DDAH1: variants seen among roughly 807,000 people sequenced by gnomAD.
DDAH1 encodes the protein dimethylarginine dimethylaminohydrolase 1, also known as N(G),N(G)-dimethylarginine dimethylaminohydrolase 1.
DDAH1 carries 19 observed loss-of-function variants against 28.8 expected under a neutral mutation model. That is an observed-to-expected ratio of 0.66 (90% confidence interval 0.46 to 0.97). DDAH1 has a LOEUF of 0.97. DDAH1 is among the 50% of genes least tolerant of loss of function. The pLI, the probability that DDAH1 is intolerant of heterozygous loss-of-function variation, is 0.00. For missense variants in DDAH1, 326 were observed against 375.9 expected (o/e 0.87, Z 1.10); for synonymous variants, 153 against 154.4 (o/e 0.99, Z 0.07).
At chr1:85,499,350 G>T (rs1485632148) in intron 1 of DDAH1, among the ~76,000 whole-genome samples, 1 of 152,036 alleles carries the variant, frequency 6.6e-6, no homozygotes. Context: ...TAAGTAGATA[G>T]CCCTTTTGAG....
At chr1:85,473,310 T>A (rs1471395705) in intron 2 of DDAH1, among the ~76,000 whole-genome samples, 1 of 152,168 alleles carries the variant, frequency 6.6e-6, no homozygotes, top group Admixed American at 6.5e-5. Flanking sequence ...TTTTCAGAGC[T>A]TTTTGCAACA....
intron 1 of DDAH1, among the ~76,000 whole-genome samples, chr1:85,504,461 G>C (rs1342194564): frequency 1.3e-5 from 2 of 152,044 alleles, no homozygotes; most frequent in Non-Finnish European, 2.9e-5. Flanking sequence ...CACACTCCTG[G>C]GTCACCATAG....
intron 1 of DDAH1, among the ~76,000 whole-genome samples, chr1:85,499,131 T>C (rs1442172160): frequency 2.6e-5 from 3 of 117,246 alleles, no homozygotes; most frequent in Non-Finnish European, 5.2e-5. Context: ...CAAGAACTAA[T>C]GCTATAGAGT....
intron 1 of DDAH1, among the ~76,000 whole-genome samples, chr1:85,453,433 A>C (rs1440933287): frequency 1.3e-5 from 2 of 152,196 alleles, no homozygotes; most frequent in East Asian, 3.8e-4. Flanking sequence ...CAATTTTTCC[A>C]GTCACAGCCA....
intron 1 of DDAH1, among the ~76,000 whole-genome samples, chr1:85,441,989 A>G (rs1299199913): frequency 1.3e-5 from 2 of 151,936 alleles, no homozygotes; most frequent in Non-Finnish European, 2.9e-5. Context: ...TATTTCATCT[A>G]TGAGAAAACT....
At chr1:85,410,918 T>G (rs1157065944) in intron 1 of DDAH1, among the ~76,000 whole-genome samples, 2 of 152,220 alleles carry the variant, frequency 1.3e-5, no homozygotes, top group African/African-American at 4.8e-5. Context: ...GCAGGCATTC[T>G]GATGACAGGT....
intron 1 of DDAH1, among the ~76,000 whole-genome samples, chr1:85,384,356 C>T (rs1019859220): frequency 1.3e-5 from 2 of 152,198 alleles, no homozygotes; most frequent in Non-Finnish European, 2.9e-5. Flanking sequence ...GCAAATTCTA[C>T]CATTTTAGTT....
At chr1:85,420,366 C>T (rs1653084954) in intron 1 of DDAH1, among the ~76,000 whole-genome samples, 2 of 152,212 alleles carry the variant, frequency 1.3e-5, no homozygotes, top group South Asian at 2.1e-4. Flanking sequence ...TCTCTGCTTC[C>T]CTTTTAAATA....
At chr1:85,541,418 T>C (rs1314136848) in intron 1 of DDAH1, among the ~76,000 whole-genome samples, 1 of 152,240 alleles carries the variant, frequency 6.6e-6, no homozygotes, top group East Asian at 1.9e-4. Context: ...GCTGGAACCC[T>C]AAATATGTCT....
At chr1:85,538,153 C>T (rs1305995667) in intron 1 of DDAH1, among the ~76,000 whole-genome samples, 1 of 152,180 alleles carries the variant, frequency 6.6e-6, no homozygotes, top group Non-Finnish European at 1.5e-5. Context: ...ACGACAAATA[C>T]AAGACTGCCA....
intron 4 of DDAH1, among the ~76,000 whole-genome samples, chr1:85,333,583 A>T (rs1036451353): frequency 6.6e-6 from 1 of 152,164 alleles, no homozygotes; most frequent in Admixed American, 6.5e-5. Context: ...AAAAGAAATT[A>T]AAAAAACAAC....
intron 1 of DDAH1, among the ~76,000 whole-genome samples, chr1:85,380,087 G>A (rs1038137709): frequency 6.6e-6 from 1 of 152,138 alleles, no homozygotes; most frequent in African/African-American, 2.4e-5. Context: ...AGTGTATGAA[G>A]TTTTCTTTTT....
intron 4 of DDAH1, among the ~76,000 whole-genome samples, chr1:85,334,702 T>A (rs233062): frequency 3.3e-5 from 5 of 152,124 alleles, no homozygotes; most frequent in Admixed American, 2.0e-4. Flanking sequence ...TTGTACAACC[T>A]GCAGAATTGT....
intron 1 of DDAH1, among the ~76,000 whole-genome samples, chr1:85,425,953 G>A (rs1012944644): frequency 5.9e-5 from 9 of 152,142 alleles, no homozygotes; most frequent in East Asian, 5.8e-4. Flanking sequence ...TCTAGCTACC[G>A]GGGATATACA....
chr1:85,359,547 G>C (rs1649676060), intron 1 of DDAH1, among the ~76,000 whole-genome samples: 1 of 152,172 alleles, frequency 6.6e-6, no homozygotes, highest in South Asian at 2.1e-4. Context: ...ATAATACATG[G>C]AAGGAATATC....
At chr1:85,337,626 G>T (rs566786399) in intron 4 of DDAH1, among the ~76,000 whole-genome samples, 7 of 152,066 alleles carry the variant, frequency 4.6e-5, no homozygotes, top group African/African-American at 1.2e-4. Context: ...GCTAATTTTT[G>T]TATTTTTAGT....
intron 1 of DDAH1, among the ~76,000 whole-genome samples, chr1:85,387,506 C>G (rs148448104): frequency 6.6e-6 from 1 of 152,304 alleles, no homozygotes; most frequent in East Asian, 1.9e-4. Flanking sequence ...GTGATCTTTG[C>G]TCCAGTTCCC....
intron 1 of DDAH1, among the ~76,000 whole-genome samples, chr1:85,410,050 G>A (rs1189439451): frequency 6.6e-6 from 1 of 152,118 alleles, no homozygotes; most frequent in Non-Finnish European, 1.5e-5. Flanking sequence ...GGAGGCTGAG[G>A]CGGGAGGATC....
intron 1 of DDAH1, among the ~76,000 whole-genome samples, chr1:85,567,226 C>T (rs1299751161): frequency 6.6e-6 from 1 of 152,192 alleles, no homozygotes; most frequent in East Asian, 1.9e-4. Flanking sequence ...CCCTGTAGCC[C>T]TGTCAAATTT....
Sources: allele counts gnomAD v4.1 joint callset (sites outside exome capture counted in the v4.1 genomes callset), GRCh38; gene constraint gnomAD v4.1.1; transcripts MANE v1.5; gene names NCBI Gene and HGNC (gene_info 2026-07-23, HGNC 2026-07-21).